Variants in ATP2C1 observed in about 807,000 individuals in gnomAD.
The protein encoded by ATP2C1 is ATPase secretory pathway Ca2+ transporting 1.
A neutral mutation model predicts 120.5 loss-of-function variants in ATP2C1; 31 were observed. The ratio of observed to expected loss-of-function variants is 0.26; its 90% CI spans 0.19 to 0.35. The LOEUF is 0.35. Ranked by LOEUF, ATP2C1 falls within the 10% of genes least tolerant of loss-of-function variation. The pLI, the probability that ATP2C1 is intolerant of heterozygous loss-of-function variation, is 1.00. For missense variants in ATP2C1, 731 were observed against 1,107.5 expected (o/e 0.66, Z 4.83); for synonymous variants, 351 against 358.7 (o/e 0.98, Z 0.24).
At chr3:130,914,357 C>A (rs1323766626) in intron 2 of ATP2C1, 1 of 151,406 alleles carries the variant, frequency 6.6e-6, no homozygotes, top group African/African-American at 2.4e-5. Context: ...TAGTCAAGTG[C>A]ATTTCAGTGA....
At chr3:130,930,972 A>G (rs891217363) in intron 3 of ATP2C1, among the ~76,000 whole-genome samples, 1 of 152,146 alleles carries the variant, frequency 6.6e-6, no homozygotes, top group African/African-American at 2.4e-5. Flanking sequence ...AAACTTAAGT[A>G]CAAGTTTAGA....
intron 2 of ATP2C1, among the ~76,000 whole-genome samples, chr3:130,908,352 A>G (rs975284509): frequency 3.9e-5 from 6 of 152,082 alleles, no homozygotes; most frequent in Non-Finnish European, 8.8e-5. Context: ...AGTACTGCAT[A>G]CAATGAAATG....
intron 1 of ATP2C1, among the ~76,000 whole-genome samples, chr3:130,862,955 T>G (rs1438477025): frequency 1.3e-5 from 2 of 152,150 alleles, no homozygotes; most frequent in African/African-American, 4.8e-5. Context: ...TTTGCAAATT[T>G]TTAACGAAAC....
chr3:131,015,273 A>C (rs1221942150), intron 26 of ATP2C1: 1 of 698,786 alleles, frequency 1.4e-6, no homozygotes, highest in Admixed American at 2.0e-5. Context: ...CAGCAAATAA[A>C]ATAGACAAGC....
intron 2 of ATP2C1, among the ~76,000 whole-genome samples, chr3:130,912,622 T>C (rs1420682159): frequency 7.1e-6 from 1 of 139,914 alleles, no homozygotes; most frequent in Admixed American, 7.1e-5. Context: ...GGAGAGGATG[T>C]GGAGAAATAG....
chr3:130,893,023 CTT>C (rs1277524192), upstream of ATP2C1, among the ~76,000 whole-genome samples: 1 of 152,168 alleles, frequency 6.6e-6, no homozygotes, highest in South Asian at 2.1e-4. Flanking sequence ...CGGAAATTTT[CTT>C]TTGAGTTCTC....
chr3:130,921,695 A>G lies in ATP2C1; in HGVS notation c.7-8721A>G, dbSNP rs143285613. Among the ~76,000 whole-genome samples, 37 of 152,240 alleles carry G rather than the reference A, an allele frequency of 2.4e-4. No individual in the cohort carries two copies. The East Asian group carries it at 6.6e-3, about 27-fold the overall frequency. ...TTTGTCAGATGCTTTTTCTGCATCT[A>G]TTGAGATGATCATGTGATTTTTATC... is the stretch of plus-strand genomic sequence containing the variant. On this transcript the variant is annotated intron_variant, in intron 2 of 27. Transcript: ENST00000510168.
intron 1 of ATP2C1, among the ~76,000 whole-genome samples, chr3:130,859,130 A>C (rs1207645280): frequency 6.6e-6 from 1 of 152,198 alleles, no homozygotes; most frequent in African/African-American, 2.4e-5. Context: ...TAGAGAGATG[A>C]ACAATTCAGA....
At chr3:130,864,606 G>A (rs2068109834) in intron 1 of ATP2C1, among the ~76,000 whole-genome samples, 1 of 152,194 alleles carries the variant, frequency 6.6e-6, no homozygotes, top group African/African-American at 2.4e-5. Context: ...CGTGGGCTGG[G>A]CCCAGGGTCC....
At chr3:130,991,527 A>G (rs1407183248) in intron 20 of ATP2C1, among the ~76,000 whole-genome samples, 1 of 152,170 alleles carries the variant, frequency 6.6e-6, no homozygotes, top group Non-Finnish European at 1.5e-5. Context: ...TCAGTATACA[A>G]ACATGTTTCC....
At chr3:130,959,125 T>A (rs2060706758) in intron 11 of ATP2C1, 150 bp from the exon 12 acceptor site, 1 of 611,976 alleles carries the variant, frequency 1.6e-6, no homozygotes, top group East Asian at 3.0e-5. Flanking sequence ...TAACCTCCCC[T>A]GTTTAATGGA....
chr3:131,010,187 C>CTTTTTTTTT (rs35503162), intron 26 of ATP2C1, among the ~76,000 whole-genome samples: 2 of 88,022 alleles, frequency 2.3e-5, no homozygotes, highest in East Asian at 2.7e-4. Context: ...CTTTTTCTAT[C>CTTTTTTTTT]TTTTTTTTTT....
chr3:130,964,318 A>G (rs1329269778), intron 13 of ATP2C1, among the ~76,000 whole-genome samples: 1 of 152,090 alleles, frequency 6.6e-6, no homozygotes, highest in African/African-American at 2.4e-5. Flanking sequence ...GTTCTAATGC[A>G]CAAATCATGT....
chr3:130,881,614 A>G (rs1369830145), intron 1 of ATP2C1, among the ~76,000 whole-genome samples: 1 of 152,198 alleles, frequency 6.6e-6, no homozygotes, highest in East Asian at 1.9e-4. Context: ...GCATTTTGGT[A>G]GAGATTGCAT....
At chr3:130,996,376 T>C (rs2062622856) in intron 23 of ATP2C1, 1 of 573,354 alleles carries the variant, frequency 1.7e-6, no homozygotes, top group Non-Finnish European at 3.1e-6. Context: ...TTGTTTCCTC[T>C]TGGTATCTTT....
chr3:130,955,140 T>C (rs2060524848), intron 10 of ATP2C1, 60 bp downstream of exon 10: 4 of 1,136,942 alleles, frequency 3.5e-6, no homozygotes, highest in Non-Finnish European at 5.4e-6. Flanking sequence ...TCATTGTAAG[T>C]AGAGAATGTT....
At chr3:130,954,067 A>G in intron 9 of ATP2C1, 91 bp downstream of exon 9, 1 of 1,358,706 alleles carries the variant, frequency 7.4e-7, no homozygotes. Flanking sequence ...GGAATTTTTC[A>G]AATACATGAC....
At chr3:130,978,731 T>A (rs1370012614) in intron 18 of ATP2C1, among the ~76,000 whole-genome samples, 1 of 152,218 alleles carries the variant, frequency 6.6e-6, no homozygotes, top group South Asian at 2.1e-4. Context: ...TCCAGGAGTT[T>A]TCATGTACAA....
chr3:130,905,079 A>G (rs1270984521), intron 2 of ATP2C1, among the ~76,000 whole-genome samples: 1 of 151,812 alleles, frequency 6.6e-6, no homozygotes, highest in East Asian at 1.9e-4. Context: ...TCCTGCTTGC[A>G]CCAGCCATGG....
Sources: allele counts gnomAD v4.1 joint callset (sites outside exome capture counted in the v4.1 genomes callset), GRCh38; gene constraint gnomAD v4.1.1; transcripts MANE v1.5; gene names NCBI Gene and HGNC (gene_info 2026-07-23, HGNC 2026-07-21).